Variants in USH2A observed in about 807,000 individuals in gnomAD.
USH2A encodes usherin.
In USH2A, 443 loss-of-function variants were observed where a neutral mutation model predicts 538.9. The observed-to-expected ratio is 0.82, with a 90% CI of 0.76 to 0.89. The LOEUF (loss-of-function observed/expected upper bound fraction) is 0.89. Ranked by LOEUF, USH2A falls within the 40% of genes least tolerant of loss-of-function variation. USH2A has a pLI of 0.00. For synonymous variants in USH2A, 2,413 were observed against 2,273.5 expected (o/e 1.06, Z -1.75); for missense variants, 6,633 against 6,324.8 (o/e 1.05, Z -1.65).
chr1:215,657,658 C>A (rs553374318), intron 64 of USH2A, among the ~76,000 whole-genome samples: 2 of 152,116 alleles, frequency 1.3e-5, no homozygotes, highest in East Asian at 1.9e-4. Context: ...CAAGATAGAA[C>A]GTGATTTTAA....
chr1:216,322,020 A>C, intron 8 of USH2A, 44 bp from the exon 9 acceptor site: 1 of 1,570,504 alleles, frequency 6.4e-7, no homozygotes, highest in Non-Finnish European at 8.8e-7. Flanking sequence ...CACCAACTCA[A>C]CTGTGAATAT....
chr1:215,673,718 C>T (rs562828387), intron 63 of USH2A, among the ~76,000 whole-genome samples: 1 of 152,140 alleles, frequency 6.6e-6, no homozygotes, highest in South Asian at 2.1e-4. Flanking sequence ...ACTTTTTAAC[C>T]TTAAAATAAT....
In USH2A at chr1:215,965,527, A is replaced by G. The variant is rs761222079; in HGVS notation, c.6958-48T>C. 1.5e-5 allele frequency: 24 copies of G among 1,602,258 alleles called. No individual in the cohort carries two copies. In the African/African-American group the frequency reaches 2.8e-4, roughly 19 times the overall value. Reference sequence around the variant, plus strand: ...TTTTGTTTGCAAATAAAATAAGTACATGCTTCGCTTTGAGCATATTTCTTC... The same window carrying G: ...TTTTGTTTGCAAATAAAATAAGTACGTGCTTCGCTTTGAGCATATTTCTTC... On this transcript the variant is annotated intron_variant, in intron 36 of 71. Transcript: ENST00000307340.
Position 215,838,065 on chromosome 1 carries a change from A to G in USH2A, c.9297T>C (p.Asn3099=). The G allele has an allele frequency of 6.2e-7, 1 of 1,614,024 alleles. No individual in the cohort carries two copies. Among genetic ancestry groups the G allele is most frequent in the East Asian group, 2.2e-5 (1 of 44,856 alleles). ...VCTIYACVKS[N]GTQITTVEDT... ...CTTCCACAGTGGTAATTTGGGTTCC[A>G]TTGCTTTTCACGCAGGCATATATTG... The change falls in exon 47 of 72, where the codon AAT becomes AAC. Residue 3099 remains asparagine (N), a synonymous_variant. Transcript: ENST00000307340.
intron 16 of USH2A, among the ~76,000 whole-genome samples, chr1:216,200,535 T>C (rs1483601916): frequency 6.6e-6 from 1 of 152,226 alleles, no homozygotes; most frequent in Non-Finnish European, 1.5e-5. Context: ...ATCTGTCACC[T>C]GGCCAACATC....
intron 3 of USH2A, among the ~76,000 whole-genome samples, chr1:216,409,891 G>T (rs188406397): frequency 6.6e-6 from 1 of 152,242 alleles, no homozygotes; most frequent in African/African-American, 2.4e-5. Flanking sequence ...AAGAGCTTCT[G>T]CACAGCAAAA....
At chr1:216,208,722 T>C (rs1474364902) in intron 15 of USH2A, among the ~76,000 whole-genome samples, 4 of 152,088 alleles carry the variant, frequency 2.6e-5, no homozygotes, top group Admixed American at 1.3e-4. Flanking sequence ...TTTATTACAG[T>C]GAAATGTTAC....
chr1:216,297,792 C>G (rs1295809493), intron 9 of USH2A, among the ~76,000 whole-genome samples: 1 of 152,152 alleles, frequency 6.6e-6, no homozygotes, highest in South Asian at 2.1e-4. Flanking sequence ...GTTATAACTA[C>G]AGAGGAGGTC....
At chr1:215,951,294 C>T (rs1010228829) in intron 37 of USH2A, among the ~76,000 whole-genome samples, 1 of 152,312 alleles carries the variant, frequency 6.6e-6, no homozygotes, top group East Asian at 1.9e-4. Flanking sequence ...TTTATTTCTG[C>T]CTTCATTTCG....
At chr1:216,094,632 T>C (rs17042203) in intron 22 of USH2A, among the ~76,000 whole-genome samples, 6,022 of 152,290 alleles carry the variant, frequency 0.04, 413 homozygotes, top group African/African-American at 0.14. Context: ...TCTGACTCTG[T>C]TATTTTTCCT....
intron 32 of USH2A, among the ~76,000 whole-genome samples, chr1:216,031,114 G>A (rs1003076443): frequency 6.6e-6 from 1 of 151,902 alleles, no homozygotes; most frequent in Non-Finnish European, 1.5e-5. Context: ...TATTTTGAGA[G>A]AAAGGACATC....
intron 40 of USH2A, among the ~76,000 whole-genome samples, chr1:215,898,639 T>C (rs1176466054): frequency 2.6e-5 from 4 of 152,202 alleles, no homozygotes; most frequent in Non-Finnish European, 5.9e-5. Context: ...CCATCACCTC[T>C]GCAGTGGGTT....
intron 41 of USH2A, among the ~76,000 whole-genome samples, chr1:215,879,403 C>T (rs1664853718): frequency 6.6e-6 from 1 of 152,190 alleles, no homozygotes; most frequent in Non-Finnish European, 1.5e-5. Flanking sequence ...ACAGAGCAAA[C>T]ACATGGAGAA....
At chr1:216,088,102 A>G (rs543788956) in intron 23 of USH2A, among the ~76,000 whole-genome samples, 14 of 152,018 alleles carry the variant, frequency 9.2e-5, no homozygotes, top group Non-Finnish European at 1.5e-4. Context: ...GACATGCCAC[A>G]TGTAGTGTGC....
At position 215,804,638 on chromosome 1, in the gene USH2A, G is replaced by A. The variant is rs964703313; in HGVS notation, c.9740-5513C>T. ...TCATTAAAAAGTCAGGAAACAACAG[G>A]TGCTGGAGAGGATGTGGAGAAATAG... On this transcript the variant is annotated intron_variant, in intron 49 of 71. Coordinates refer to ENST00000307340, the MANE Select transcript of USH2A (RefSeq NM_206933.4). Among the ~76,000 whole-genome samples the A allele has an allele frequency of 2.2e-4, 33 of 149,636 alleles. 1 individual carries two copies. The highest frequency in any genetic ancestry group is 4.4e-5 in the Non-Finnish European group (3 of 67,688).
chr1:216,207,218 A>G, intron 16 of USH2A, 55 bp downstream of exon 16: 1 of 1,601,390 alleles, frequency 6.2e-7, no homozygotes, highest in Non-Finnish European at 8.6e-7. Flanking sequence ...AAAGAACTTA[A>G]CTAATGTGTC....
At chr1:215,921,706 G>A (rs1377243844) in intron 38 of USH2A, among the ~76,000 whole-genome samples, 1 of 151,988 alleles carries the variant, frequency 6.6e-6, no homozygotes, top group East Asian at 1.9e-4. Context: ...TCAGTCTCTA[G>A]GTTTAAATAC....
At chr1:216,417,265 T>TAAA (rs10707482) in intron 3 of USH2A, among the ~76,000 whole-genome samples, 1 of 135,064 alleles carries the variant, frequency 7.4e-6, no homozygotes, top group African/African-American at 2.6e-5. Context: ...GCTTCAAGAT[T>TAAA]AAAAAAAAAA....
At chr1:216,159,266 G>A (rs1169546553) in intron 21 of USH2A, among the ~76,000 whole-genome samples, 1 of 152,016 alleles carries the variant, frequency 6.6e-6, no homozygotes, top group Non-Finnish European at 1.5e-5. Flanking sequence ...TCCTTGTCCT[G>A]TACCTGACCT....
Sources: gnomAD v4.1 joint callset for allele counts (sites outside exome capture counted in the v4.1 genomes callset) on GRCh38, gnomAD v4.1.1 for gene constraint, MANE v1.5 for transcripts, NCBI Gene and HGNC (gene_info 2026-07-23, HGNC 2026-07-21) for gene names.